The following ABCA3 variants were observed in gnomAD, a reference collection of about 807,000 sequenced individuals.
ABCA3 encodes the protein ATP binding cassette subfamily A member 3, also known as phospholipid-transporting ATPase ABCA3.
Under a neutral mutation model 172.8 loss-of-function variants are expected in ABCA3, and 88 were observed. The observed-to-expected ratio is 0.51, with a 90% CI of 0.43 to 0.61. ABCA3 has a LOEUF of 0.61. Among genes scored for constraint, ABCA3 ranks in the 20% least tolerant of loss-of-function variants. The pLI, the probability that ABCA3 is intolerant of heterozygous loss-of-function variation, is 0.00. For synonymous variants in ABCA3, 1,066 were observed against 983.8 expected (o/e 1.08, Z -1.56); for missense variants, 2,164 against 2,301.0 (o/e 0.94, Z 1.22).
intron 10 of ABCA3, 53 bp from the exon 11 acceptor site, chr16:2,308,676 G>C: frequency 6.2e-7 from 1 of 1,606,726 alleles, no homozygotes; most frequent in Non-Finnish European, 8.5e-7. Flanking sequence ...CTCAAAAGGG[G>C]CTTGGGCTCC....
At position 2,284,765 on chromosome 16, in the gene ABCA3, C is replaced by A. The variant is rs1270181781; in HGVS notation, c.3703+14G>T. The A allele has an allele frequency of 6.2e-7, 1 of 1,611,414 alleles. No individual in the cohort carries two copies. The highest frequency in any genetic ancestry group is 1.3e-5 in the African/African-American group (1 of 74,824). ...GATGGCCATGGGGGCTGCGGGTGGT[C>A]TCCAGGTGCCCACCTGGGATGCGCA... On this transcript the variant is annotated intron_variant, in intron 24 of 32. Coordinates refer to ENST00000301732, the MANE Select transcript of ABCA3 (RefSeq NM_001089.3). This position sits in a 1 kb window ranked among gnomAD's most constrained non-coding sequence, Gnocchi z 5.9.
rs1371854650 is a variant in ABCA3, at chr16:2,299,409, G to A, written c.1735C>T (p.Leu579Phe). 6.2e-7 allele frequency: 1 copy of A among 1,613,722 alleles called. No individual in the cohort carries two copies. Among genetic ancestry groups the A allele is most frequent in the Non-Finnish European group, 8.5e-7 (1 of 1,179,984 alleles). The part of the protein sequence containing the change: ...GAGKTTTLSM[L>F]TGLFPPTSGR... Reference sequence around the variant, plus strand: ...TGAGGCGCCTGGCCCTCACCTGTGAGCATGGAGAGGGTGGTGGTCTTCCCG... The same window carrying A: ...TGAGGCGCCTGGCCCTCACCTGTGAACATGGAGAGGGTGGTGGTCTTCCCG... The change falls in exon 14 of 33, where the codon CTC becomes TTC. Residue 579 changes from leucine (L) to phenylalanine (F), a missense_variant. Leu to Phe is a conservative substitution (Grantham distance 22). Around this residue, in one of 3 missense-constraint regions of ABCA3, gnomAD observed 1,343 missense variants for 1,369.6 expected, o/e 0.98. Coordinates refer to ENST00000301732, the MANE Select transcript of ABCA3 (RefSeq NM_001089.3).
In ABCA3 at chr16:2,293,662, C is replaced by T. The variant is rs568526132; in HGVS notation, c.2415-1424G>A. ...ATGCCATTCTCTTGCCTCAGCCTCC[C>T]GAGTAGCTGGGACTACAGGTGCCCG... On this transcript the variant is annotated intron_variant, in intron 18 of 32. Coordinates refer to ENST00000301732, the MANE Select transcript of ABCA3 (RefSeq NM_001089.3). Among the ~76,000 whole-genome samples the T allele has an allele frequency of 6.7e-4, 101 of 151,454 alleles. 1 individual carries two copies. The highest frequency in any genetic ancestry group is 2.3e-3 in the African/African-American group (97 of 41,278).
chr16:2,316,250 A>C (rs542717319), intron 10 of ABCA3, among the ~76,000 whole-genome samples: 2 of 144,372 alleles, frequency 1.4e-5, no homozygotes, highest in East Asian at 4.2e-4. Context: ...TCAAGGCTGC[A>C]GTGAGCCGTG....
rs2093663622 is a variant in ABCA3 at position 2,286,665 on chromosome 16, G to A, written c.3278+29C>T. The A allele has an allele frequency of 6.2e-7, 1 of 1,611,824 alleles. No individual in the cohort carries two copies. Among genetic ancestry groups the A allele is most frequent in the East Asian group, 2.2e-5 (1 of 44,872 alleles). ...CAGTCAGTCCTGGGGGCTCTGGCCA[G>A]GGCAGACAGGGACGGGCAGTGCACA... On this transcript the variant is annotated intron_variant, in intron 22 of 32. Transcript: ENST00000301732. The surrounding 1 kb of genome is among the most constrained non-coding windows in gnomAD (Gnocchi z 5.2).
At chr16:2,290,540 G>T (rs1830733635) in intron 19 of ABCA3, among the ~76,000 whole-genome samples, 1 of 152,198 alleles carries the variant, frequency 6.6e-6, no homozygotes, top group African/African-American at 2.4e-5. Context: ...AGACGCAGCA[G>T]GATCAACCCG....
chr16:2,298,369 C>A lies in ABCA3; in HGVS notation c.1896+17G>T, dbSNP rs745600345. 1.2e-6 allele frequency: 2 copies of A among 1,613,990 alleles called. No individual in the cohort carries two copies. Among genetic ancestry groups the A allele is most frequent in the South Asian group, 1.1e-5 (1 of 91,060 alleles). On this transcript the variant is annotated intron_variant, in intron 15 of 32. Coordinates refer to ENST00000301732, the MANE Select transcript of ABCA3 (RefSeq NM_001089.3). ...ATCAGTGGAAACACCCCTGCACACC[C>A]CTGGCCCCCAACTCACCTGGGCGTA... is the stretch of plus-strand genomic sequence containing the variant.
chr16:2,290,597 TTTCTG>T (rs1369494054), intron 19 of ABCA3, among the ~76,000 whole-genome samples: 1 of 152,222 alleles, frequency 6.6e-6, no homozygotes, highest in African/African-American at 2.4e-5. Flanking sequence ...CCGTGGTTTC[TTTCTG>T]TTATGTTCAT....
chr16:2,320,687 G>A (rs987042655), intron 7 of ABCA3, among the ~76,000 whole-genome samples: 4 of 152,064 alleles, frequency 2.6e-5, no homozygotes, highest in African/African-American at 9.7e-5. Context: ...GTGAGCCACT[G>A]CGCCCAGCCT....
Position 2,276,697 on chromosome 16 carries a change from G to A in ABCA3, c.5092C>T (p.Pro1698Ser). ...VFLSFAHLQP[P>S]TAEEGR The stretch of plus-strand genomic sequence containing the variant: ...CCTCATCGCCCCTCCTCTGCGGTGG[G>A]CGGCTGCAGGTGGGCGAAGCTCAGG... Residue 1698 changes from proline to serine, a missense_variant, in exon 33 of 33, where the codon CCC becomes TCC. Around this residue, in one of 3 missense-constraint regions of ABCA3, gnomAD observed 795 missense variants for 881.9 expected, o/e 0.90. Coordinates refer to ENST00000301732, the MANE Select transcript of ABCA3 (RefSeq NM_001089.3). 6.2e-7 allele frequency: 1 copy of A among 1,613,618 alleles called. No homozygotes were observed. Among genetic ancestry groups the A allele is most frequent in the South Asian group, 1.1e-5 (1 of 91,088 alleles).
chr16:2,301,032 C>T (rs569093589), intron 12 of ABCA3, among the ~76,000 whole-genome samples: 4 of 150,044 alleles, frequency 2.7e-5, no homozygotes, highest in South Asian at 2.1e-4. Flanking sequence ...AGATCGAGAC[C>T]ATCCTGGCTA....
At position 2,286,741 on chromosome 16, in the gene ABCA3, G is replaced by T. The variant is rs143240655; in HGVS notation, c.3231C>A (p.Phe1077Leu). The stretch of plus-strand genomic sequence containing the variant: ...CCTGCAGGGCGCTCCGGGGCTGGGG[G>T]AAGTTGGAGACCACAATGGAGGCGT... Reference protein sequence around the residue: ...GPHASIVVSNFPQPRSALQAA... With the variant: ...GPHASIVVSNLPQPRSALQAA... Residue 1077 changes from phenylalanine (F) to leucine (L), a missense_variant, in exon 22 of 33, where the codon TTC (phenylalanine) becomes TTA (leucine). Phe to Leu is a conservative substitution (Grantham distance 22). Coordinates refer to ENST00000301732, the MANE Select transcript of ABCA3 (RefSeq NM_001089.3). This position sits in a 1 kb window ranked among gnomAD's most constrained non-coding sequence, Gnocchi z 5.2. The T allele has an allele frequency of 6.2e-7, 1 of 1,613,970 alleles. No homozygotes were observed. The highest frequency in any genetic ancestry group is 8.5e-7 in the Non-Finnish European group (1 of 1,179,966).
At chr16:2,288,920 C>T (rs890156527) in intron 20 of ABCA3, 2 of 183,502 alleles carry the variant, frequency 1.1e-5, no homozygotes, top group African/African-American at 4.7e-5. Flanking sequence ...CACAAGGAGA[C>T]ACCACCACAC....
Position 2,329,848 on chromosome 16 carries a change from C to T in ABCA3, c.-532G>A, listed in dbSNP as rs907011537. On this transcript the variant is annotated 5_prime_UTR_variant, in exon 2 of 33. Coordinates refer to ENST00000301732, the MANE Select transcript of ABCA3 (RefSeq NM_001089.3). ...GCCCAGGGCTCACAGGCATGACTCT[C>T]CAGCACCTTTGGACAGATGGAAGGT... The T allele has an allele frequency of 2.0e-5, 3 of 152,146 alleles. No homozygotes were observed. The highest frequency in any genetic ancestry group is 2.9e-5 in the Non-Finnish European group (2 of 68,044). 9.4% of individuals were successfully genotyped at this position (152,146 alleles called of 1,614,324 possible).
intron 1 of ABCA3, among the ~76,000 whole-genome samples, chr16:2,333,654 CAAGG>C (rs1205055249): frequency 6.6e-6 from 1 of 151,498 alleles, no homozygotes; most frequent in African/African-American, 2.4e-5. Flanking sequence ...GGCACTTGTA[CAAGG>C]TACTAAGGAT....
At position 2,278,244 on chromosome 16, in the gene ABCA3, A is replaced by T. The variant is rs944674416; in HGVS notation, c.4718+44T>A. ...TGGCCACCTGGCTCCTCCATGGCCC[A>T]CCCGGTGCTGAAACTTCCAGTAACC... On this transcript the variant is annotated intron_variant, in intron 30 of 32. Transcript: ENST00000301732. This position sits in a 1 kb window ranked among gnomAD's most constrained non-coding sequence, Gnocchi z 4.4. 3.7e-6 allele frequency: 6 copies of T among 1,602,878 alleles called. No homozygotes were observed. Among genetic ancestry groups the T allele is most frequent in the Admixed American group, 3.3e-5 (2 of 59,990 alleles).
At position 2,308,496 on chromosome 16, in the gene ABCA3, G is replaced by A. The variant is rs753922730; in HGVS notation, c.1239C>T (p.Val413=). 1.8e-5 allele frequency: 29 copies of A among 1,614,090 alleles called. No homozygotes were observed. Among genetic ancestry groups the A allele is most frequent in the Middle Eastern group, 1.6e-4 (1 of 6,084 alleles). Residue 413 remains valine, a synonymous_variant, in exon 11 of 33, where the codon GTC becomes GTT. Coordinates refer to ENST00000301732, the MANE Select transcript of ABCA3 (RefSeq NM_001089.3). ...TGAGCTGGGCTCCCATTGCCATGGC[G>A]ACATTAGACAGGAGGCAGGAGCAGA... ...QKLCSCLLSN[V]AMAMGAQLIG...
rs750764131 is a variant in ABCA3 at position 2,295,585 on chromosome 16, C to T, written c.2414+5G>A. On this transcript the variant is annotated splice_donor_5th_base_variant and intron_variant, in intron 18 of 32. Coordinates refer to ENST00000301732, the MANE Select transcript of ABCA3 (RefSeq NM_001089.3). ...ACCTGTGCGTGCCCTCCCTGGGAGGCGTACCTGTGCGTGCTCTCTCTGGGA... is the reference window on the plus strand; with the variant it reads ...ACCTGTGCGTGCCCTCCCTGGGAGGTGTACCTGTGCGTGCTCTCTCTGGGA... 1.1e-5 allele frequency: 17 copies of T among 1,612,162 alleles called. No homozygotes were observed. The highest frequency in any genetic ancestry group is 3.3e-4 in the Middle Eastern group (2 of 6,084).
At chr16:2,330,450 G>C (rs2093741319) in intron 1 of ABCA3, among the ~76,000 whole-genome samples, 1 of 150,464 alleles carries the variant, frequency 6.6e-6, no homozygotes, top group Non-Finnish European at 1.5e-5. Context: ...CTCCCAAATA[G>C]CTGGGATTAC....
Sources: allele counts gnomAD v4.1 joint callset (sites outside exome capture counted in the v4.1 genomes callset), GRCh38; gene constraint gnomAD v4.1.1; regional missense constraint gnomAD v4.1.1; non-coding constraint Gnocchi (gnomAD v3.1); transcripts MANE v1.5; gene names NCBI Gene and HGNC (gene_info 2026-07-23, HGNC 2026-07-21).